Variants in TBC1D4 observed in about 807,000 individuals in gnomAD.
The protein encoded by TBC1D4 is TBC1 domain family member 4, also known as TBC (Tre-2, BUB2, CDC16) domain-containing protein.
In TBC1D4, 121 loss-of-function variants were observed where a neutral mutation model predicts 142.5. The observed-to-expected ratio is 0.85, with a 90% CI of 0.73 to 0.99. TBC1D4 has a LOEUF of 0.99. Among genes scored for constraint, TBC1D4 ranks in the 50% least tolerant of loss-of-function variants. The pLI is 0.00. For synonymous variants in TBC1D4, 630 were observed against 628.2 expected (o/e 1.00, Z -0.04); for missense variants, 1,475 against 1,606.6 (o/e 0.92, Z 1.40).
intron 4 of TBC1D4, among the ~76,000 whole-genome samples, chr13:75,352,687 C>T (rs1424107923): frequency 1.3e-5 from 2 of 152,146 alleles, no homozygotes; most frequent in Non-Finnish European, 2.9e-5. Context: ...AAGAATTGAT[C>T]ATCTAAATTT....
chr13:75,340,722 G>A lies in TBC1D4; in HGVS notation c.1611+403C>T, dbSNP rs1382161014. On this transcript the variant is annotated intron_variant, in intron 7 of 20. Coordinates refer to ENST00000377636, the MANE Select transcript of TBC1D4 (RefSeq NM_014832.5). ...AGCACTTTGGGAGGCCGAGGCGGGGGGATCACCTGAAGTTGGGAGTTCGTG... is the reference window on the plus strand; with the variant it reads ...AGCACTTTGGGAGGCCGAGGCGGGGAGATCACCTGAAGTTGGGAGTTCGTG... Among the ~76,000 whole-genome samples, 7 of 152,196 alleles carry A rather than the reference G, an allele frequency of 4.6e-5. No homozygotes were observed. In the South Asian group the frequency reaches 6.2e-4, roughly 14 times the overall value.
At chr13:75,398,486 C>T (rs1464071417) in intron 1 of TBC1D4, among the ~76,000 whole-genome samples, 2 of 152,156 alleles carry the variant, frequency 1.3e-5, no homozygotes, top group African/African-American at 4.8e-5. Context: ...ATGAGGAAAA[C>T]TGTTGTAATG....
At chr13:75,423,789 CTT>C (rs1166934806) in intron 1 of TBC1D4, among the ~76,000 whole-genome samples, 1 of 152,062 alleles carries the variant, frequency 6.6e-6, no homozygotes, top group East Asian at 1.9e-4. Context: ...TTTATTCTCT[CTT>C]AATAAAAAGT....
chr13:75,385,713 A>G (rs1387903488), intron 1 of TBC1D4, among the ~76,000 whole-genome samples: 1 of 152,186 alleles, frequency 6.6e-6, no homozygotes, highest in African/African-American at 2.4e-5. Flanking sequence ...TGCTTTATAT[A>G]TTTTATCTCC....
At chr13:75,390,864 AGGGG>A (rs1566452719) in intron 1 of TBC1D4, among the ~76,000 whole-genome samples, 1 of 3,238 alleles carries the variant, frequency 3.1e-4, no homozygotes, top group Non-Finnish European at 6.1e-4. Context: ...AGGGGAGGGG[AGGGG>A]AGGGGAGGGG....
chr13:75,362,440 G>T lies in TBC1D4; in HGVS notation c.666C>A (p.Ile222=), dbSNP rs374017678. 4.2e-5 allele frequency: 68 copies of T among 1,614,102 alleles called. 1 individual carries two copies. The South Asian group carries it at 7.2e-4, about 17-fold the overall frequency. ...VTHKKAPSSL[I]DDCMEKFSLH... ...GGCTGAACTTCTCCATGCAGTCATC[G>T]ATGAGGCTTGAGGGGGCCTTCTTGT... Residue 222 remains isoleucine (I), a synonymous_variant, in exon 2 of 21, where the codon ATC becomes ATA. Coordinates refer to ENST00000377636, the MANE Select transcript of TBC1D4 (RefSeq NM_014832.5). This position sits in a 1 kb window ranked among gnomAD's most constrained non-coding sequence, Gnocchi z 4.2.
At chr13:75,470,679 T>A (rs1182123651) in intron 1 of TBC1D4, among the ~76,000 whole-genome samples, 1 of 152,110 alleles carries the variant, frequency 6.6e-6, no homozygotes, top group Non-Finnish European at 1.5e-5. Context: ...AAAAGACAGA[T>A]AAAAATCTCT....
At position 75,369,326 on chromosome 13, in the gene TBC1D4, T is replaced by A. The variant is rs574387927; in HGVS notation, c.499-6719A>T. Among the ~76,000 whole-genome samples, 10 of 152,254 alleles carry A rather than the reference T, an allele frequency of 6.6e-5. No individual in the cohort carries two copies. In the South Asian group the frequency reaches 1.7e-3, roughly 25 times the overall value. Reference sequence around the variant, plus strand: ...CTGGGAAACATAGGGAGACTCCGTCTCTACAAAAAATTTAAACCAGGAAGG... The same window carrying A: ...CTGGGAAACATAGGGAGACTCCGTCACTACAAAAAATTTAAACCAGGAAGG... On this transcript the variant is annotated intron_variant, in intron 1 of 20. Coordinates refer to ENST00000377636, the MANE Select transcript of TBC1D4 (RefSeq NM_014832.5).
At chr13:75,442,223 T>G (rs937685124) in intron 1 of TBC1D4, among the ~76,000 whole-genome samples, 3 of 152,216 alleles carry the variant, frequency 2.0e-5, no homozygotes, top group African/African-American at 7.2e-5. Context: ...AGTTAACATC[T>G]TAAAACCTCA....
intron 1 of TBC1D4, among the ~76,000 whole-genome samples, chr13:75,444,163 C>A (rs527727842): frequency 1.4e-4 from 21 of 152,196 alleles, no homozygotes; most frequent in African/African-American, 4.8e-4. Flanking sequence ...TGTTCTGTTG[C>A]GAAAGCGGAG....
rs184472100 is a variant in TBC1D4 at position 75,401,962 on chromosome 13, A to C, written c.499-39355T>G. On this transcript the variant is annotated intron_variant, in intron 1 of 20. Coordinates refer to ENST00000377636, the MANE Select transcript of TBC1D4 (RefSeq NM_014832.5). ...ATGAAAACCTGTGGACTTTTGCTGA[A>C]GTGAACACTTCAAACACAAACTCTG... Among the ~76,000 whole-genome samples the C allele has an allele frequency of 8.0e-3, 1,217 of 152,358 alleles. 8 individuals carry two copies. The highest frequency in any genetic ancestry group is 0.014 in the Non-Finnish European group (942 of 68,030).
intron 12 of TBC1D4, chr13:75,316,393 G>A (rs1472571553): frequency 6.6e-6 from 1 of 152,022 alleles, no homozygotes; most frequent in Non-Finnish European, 1.5e-5. Flanking sequence ...TCCCATGTCT[G>A]GAATTTACTG....
intron 1 of TBC1D4, among the ~76,000 whole-genome samples, chr13:75,467,422 T>C (rs2138309370): frequency 6.6e-6 from 1 of 152,306 alleles, no homozygotes; most frequent in Non-Finnish European, 1.5e-5. Flanking sequence ...GAGAAACGCA[T>C]ACATAAACCA....
At chr13:75,289,185 T>G (rs937722418) in intron 19 of TBC1D4, 75 bp from the exon 20 acceptor site, 2 of 1,544,314 alleles carry the variant, frequency 1.3e-6, no homozygotes, top group Non-Finnish European at 1.8e-6. Context: ...TCTTGGTATA[T>G]TTCATGTATA....
chr13:75,333,021 A>G (rs952649233), intron 8 of TBC1D4, among the ~76,000 whole-genome samples: 2 of 152,222 alleles, frequency 1.3e-5, no homozygotes, highest in Non-Finnish European at 1.5e-5. Flanking sequence ...TTTTAAAAAC[A>G]ATACACATTT....
chr13:75,310,287 T>C (rs932745617), intron 13 of TBC1D4, 136 bp from the exon 14 acceptor site: 28 of 859,254 alleles, frequency 3.3e-5, no homozygotes, highest in Non-Finnish European at 4.3e-5. Flanking sequence ...ACTTAGTTTC[T>C]GCAGCTAATA....
chr13:75,316,639 T>C (rs1407975870), intron 12 of TBC1D4: 1 of 152,248 alleles, frequency 6.6e-6, no homozygotes, highest in Admixed American at 6.5e-5. Context: ...ATGCAACTTA[T>C]AGCAGTTTCC....
chr13:75,409,762 T>G (rs1885519014), intron 1 of TBC1D4, among the ~76,000 whole-genome samples: 1 of 152,348 alleles, frequency 6.6e-6, no homozygotes, highest in Admixed American at 6.5e-5. Context: ...CAATCCCAGC[T>G]TCTCTTTAGA....
intron 1 of TBC1D4, among the ~76,000 whole-genome samples, chr13:75,474,061 T>A (rs1428201955): frequency 6.6e-6 from 1 of 152,184 alleles, no homozygotes; most frequent in South Asian, 2.1e-4. Context: ...TCAAACAAAC[T>A]TTTTTTATTT....
Sources: allele counts gnomAD v4.1 joint callset (sites outside exome capture counted in the v4.1 genomes callset), GRCh38; gene constraint gnomAD v4.1.1; non-coding constraint Gnocchi (gnomAD v3.1); transcripts MANE v1.5; gene names NCBI Gene and HGNC (gene_info 2026-07-23, HGNC 2026-07-21).